TENM2: variants seen among roughly 807,000 people sequenced by gnomAD.
The protein encoded by TENM2 is teneurin transmembrane protein 2.
TENM2 carries 52 observed loss-of-function variants against 245.2 expected under a neutral mutation model. The ratio of observed to expected loss-of-function variants is 0.21; its 90% CI spans 0.17 to 0.27. TENM2 has a LOEUF of 0.27. Ranked by LOEUF, TENM2 falls within the 10% of genes least tolerant of loss-of-function variation. The probability of loss-of-function intolerance (pLI) is 1.00; values close to 1 mark genes in which losing one functional copy is unlikely to be tolerated. For missense variants in TENM2, 3,046 were observed against 3,666.8 expected (o/e 0.83, Z 4.37); for synonymous variants, 1,363 against 1,438.9 (o/e 0.95, Z 1.19).
intron 5 of TENM2, among the ~76,000 whole-genome samples, chr5:168,011,743 G>A (rs183108811): frequency 1.4e-4 from 21 of 152,170 alleles, no homozygotes; most frequent in African/African-American, 4.8e-4. Context: ...AGCGTAAACA[G>A]GGTTCAACTG....
chr5:167,301,964 A>C (rs1035521830), intron 1 of TENM2, among the ~76,000 whole-genome samples: 1 of 152,074 alleles, frequency 6.6e-6, no homozygotes, highest in South Asian at 2.1e-4. Context: ...CGGCCTGGCA[A>C]AGAGGAGAGA....
intron 28 of TENM2, among the ~76,000 whole-genome samples, chr5:168,260,738 T>C (rs1768110056): frequency 6.6e-6 from 1 of 152,206 alleles, no homozygotes; most frequent in South Asian, 2.1e-4. Flanking sequence ...TATAAGATCA[T>C]AACCCTTTCA....
At chr5:167,830,389 C>G (rs1211547499) in intron 2 of TENM2, among the ~76,000 whole-genome samples, 1 of 152,172 alleles carries the variant, frequency 6.6e-6, no homozygotes, top group Non-Finnish European at 1.5e-5. Context: ...TGGGTATAAT[C>G]TAACAAGTTA....
intron 5 of TENM2, among the ~76,000 whole-genome samples, chr5:168,020,617 C>CT (rs1166513685): frequency 6.6e-6 from 1 of 152,152 alleles, no homozygotes; most frequent in African/African-American, 2.4e-5. Context: ...GCGTCTTCAC[C>CT]TTGGGGAGTG....
At chr5:167,728,924 A>G (rs534485341) in intron 2 of TENM2, 3 of 152,360 alleles carry the variant, frequency 2.0e-5, no homozygotes, top group South Asian at 4.1e-4. Context: ...TATTTGTTAC[A>G]TTCAAATGTG....
At chr5:167,023,721 C>CTGAGAA in the TENM2 span, among the ~76,000 whole-genome samples, 2 of 152,148 alleles carry the variant, frequency 1.3e-5, no homozygotes, top group Admixed American at 6.6e-5. Flanking sequence ...AACATGTTCT[C>CTGAGAA]TGAGAATGCA....
At chr5:167,679,471 T>C (rs181158248) in intron 2 of TENM2, among the ~76,000 whole-genome samples, 12 of 152,306 alleles carry the variant, frequency 7.9e-5, no homozygotes, top group African/African-American at 2.4e-4. Context: ...ACATTATTTT[T>C]ATTCACTTTA....
chr5:168,180,733 TA>T (rs1347037368), intron 13 of TENM2, among the ~76,000 whole-genome samples: 1 of 149,910 alleles, frequency 6.7e-6, no homozygotes, highest in East Asian at 1.9e-4. Context: ...CTGTCTCTAC[TA>T]AAAATAAAAA....
the TENM2 span, among the ~76,000 whole-genome samples, chr5:167,033,480 A>C: frequency 3.3e-5 from 5 of 152,292 alleles, no homozygotes; most frequent in African/African-American, 1.2e-4. Flanking sequence ...TATGAAGTTA[A>C]TTATGACAAG....
the TENM2 span, among the ~76,000 whole-genome samples, chr5:167,055,762 A>G: frequency 6.6e-6 from 1 of 151,946 alleles, no homozygotes; most frequent in East Asian, 1.9e-4. Flanking sequence ...TAACCTTCTA[A>G]CTGCTGTAAT....
At chr5:167,983,204 A>T (rs145301653) in intron 4 of TENM2, among the ~76,000 whole-genome samples, 1 of 152,108 alleles carries the variant, frequency 6.6e-6, no homozygotes, top group African/African-American at 2.4e-5. Flanking sequence ...AAGACTCTTC[A>T]TCTCATCCAA....
intron 2 of TENM2, among the ~76,000 whole-genome samples, chr5:167,776,633 A>G (rs1432489423): frequency 0.027 from 52 of 1,914 alleles, no homozygotes; most frequent in Admixed American, 0.14. Flanking sequence ...AAAACCATAT[A>G]TATGTATCTA....
At chr5:167,047,157 T>C in the TENM2 span, among the ~76,000 whole-genome samples, 2 of 152,248 alleles carry the variant, frequency 1.3e-5, no homozygotes, top group South Asian at 4.1e-4. Flanking sequence ...TTTTGTACTT[T>C]CTTAATTTCA....
chr5:167,871,168 T>G (rs1014147914), intron 2 of TENM2, among the ~76,000 whole-genome samples: 6 of 152,162 alleles, frequency 3.9e-5, no homozygotes, highest in African/African-American at 1.4e-4. Flanking sequence ...CAACCACAGA[T>G]GGTGTAGGAT....
intron 1 of TENM2, among the ~76,000 whole-genome samples, chr5:167,298,630 C>T (rs1755112867): frequency 6.6e-6 from 1 of 152,026 alleles, no homozygotes; most frequent in Admixed American, 6.5e-5. Flanking sequence ...ACAAAAAACC[C>T]AAAAACTAAA....
chr5:167,811,533 TA>T (rs1429123728), intron 2 of TENM2, among the ~76,000 whole-genome samples: 1 of 152,144 alleles, frequency 6.6e-6, no homozygotes, highest in Non-Finnish European at 1.5e-5. Context: ...ATCTGCCACT[TA>T]AACCTCTTTT....
intron 9 of TENM2, among the ~76,000 whole-genome samples, chr5:168,113,379 AT>A (rs1562174343): frequency 2.6e-5 from 4 of 152,244 alleles, no homozygotes; most frequent in East Asian, 3.9e-4. Context: ...ACTTCAAATA[AT>A]TTTTTAAATA....
intron 5 of TENM2, among the ~76,000 whole-genome samples, chr5:168,034,076 TGTATAC>T (rs1787397204): frequency 8.5e-6 from 1 of 117,490 alleles, no homozygotes; most frequent in African/African-American, 2.9e-5. Flanking sequence ...TGTATATATA[TGTATAC>T]ATATATATGT....
At chr5:167,522,943 T>C (rs903036934) in intron 2 of TENM2, among the ~76,000 whole-genome samples, 3 of 151,270 alleles carry the variant, frequency 2.0e-5, no homozygotes, top group African/African-American at 4.8e-5. Flanking sequence ...AATTCATTTT[T>C]TTGCAGTTCT....
Sources: allele counts gnomAD v4.1 joint callset (sites outside exome capture counted in the v4.1 genomes callset), GRCh38; gene constraint gnomAD v4.1.1; transcripts MANE v1.5; gene names NCBI Gene and HGNC (gene_info 2026-07-23, HGNC 2026-07-21).